CDK6: variants seen among roughly 807,000 people sequenced by gnomAD.
The protein encoded by CDK6 is cyclin-dependent kinase 6.
Under a neutral mutation model 37.1 loss-of-function variants are expected in CDK6, and 6 were observed. That is an observed-to-expected ratio of 0.16 (90% CI 0.09 to 0.32). CDK6 has a LOEUF of 0.32. Among genes scored for constraint, CDK6 ranks in the 10% least tolerant of loss-of-function variants. The probability of loss-of-function intolerance (pLI) is 1.00; values close to 1 mark genes in which losing one functional copy is unlikely to be tolerated. For synonymous variants in CDK6, 160 were observed against 161.3 expected (o/e 0.99, Z 0.06); for missense variants, 224 against 418.9 (o/e 0.53, Z 4.06).
chr7:92,606,843 C>T lies in CDK6; in HGVS notation c.*8297G>A. ...TAAAACTTTCTAGTTCTAATTTGCA[C>T]TCTACGTGAACCAATATTTTTCTTT... On this transcript the variant is annotated 3_prime_UTR_variant, in exon 8 of 8. Coordinates refer to ENST00000424848, the MANE Select transcript of CDK6 (RefSeq NM_001145306.2). The T allele has an allele frequency of 4.3e-6, 1 of 232,974 alleles. No individual in the cohort carries two copies. Among genetic ancestry groups the T allele is most frequent in the Non-Finnish European group, 8.5e-6 (1 of 117,910 alleles). 14.4% of individuals were successfully genotyped at this position (232,974 alleles called of 1,614,324 possible).
chr7:92,640,711 C>T (rs1478779698), intron 5 of CDK6, among the ~76,000 whole-genome samples: 1 of 152,206 alleles, frequency 6.6e-6, no homozygotes, highest in East Asian at 1.9e-4. Flanking sequence ...TCATTTAATA[C>T]ACCCCTGGAG....
chr7:92,830,559 T>C (rs1801449501), intron 2 of CDK6, among the ~76,000 whole-genome samples: 1 of 152,178 alleles, frequency 6.6e-6, no homozygotes, highest in Non-Finnish European at 1.5e-5. Flanking sequence ...CAACTCTCCC[T>C]TGGAAAGAAA....
chr7:92,776,698 A>G (rs1339657166), intron 2 of CDK6, among the ~76,000 whole-genome samples: 1 of 152,170 alleles, frequency 6.6e-6, no homozygotes, highest in Non-Finnish European at 1.5e-5. Context: ...TGTTGGCCTC[A>G]TAAATGTCTT....
At chr7:92,812,729 A>T (rs1800918724) in intron 2 of CDK6, among the ~76,000 whole-genome samples, 1 of 152,142 alleles carries the variant, frequency 6.6e-6, no homozygotes, top group Non-Finnish European at 1.5e-5. Context: ...CCTGGCCCAC[A>T]CTCAAACTTT....
chr7:92,616,610 AT>A (rs1795684175), intron 7 of CDK6, among the ~76,000 whole-genome samples: 1 of 152,226 alleles, frequency 6.6e-6, no homozygotes, highest in African/African-American at 2.4e-5. Flanking sequence ...CAGGGGCAAA[AT>A]TCCTGAGCCT....
chr7:92,716,480 C>T (rs770012706), intron 4 of CDK6, among the ~76,000 whole-genome samples: 3 of 152,118 alleles, frequency 2.0e-5, no homozygotes, highest in Admixed American at 6.5e-5. Flanking sequence ...AAGGAAGGCA[C>T]TGTAGGAAAT....
intron 2 of CDK6, among the ~76,000 whole-genome samples, chr7:92,804,595 A>G (rs1029109919): frequency 3.3e-5 from 5 of 152,336 alleles, no homozygotes; most frequent in South Asian, 2.1e-4. Flanking sequence ...TGTTAATGCT[A>G]GATGGTTGGA....
chr7:92,774,325 A>G (rs549280392), intron 3 of CDK6, among the ~76,000 whole-genome samples: 1 of 152,370 alleles, frequency 6.6e-6, no homozygotes, highest in East Asian at 1.9e-4. Context: ...TGTTCAAATT[A>G]TGTCTCTCAT....
intron 3 of CDK6, among the ~76,000 whole-genome samples, chr7:92,728,160 T>C (rs946611621): frequency 3.3e-5 from 5 of 152,172 alleles, no homozygotes; most frequent in Non-Finnish European, 5.9e-5. Flanking sequence ...AATTATAAAA[T>C]TGCTAAGATG....
chr7:92,655,935 G>A (rs188948589), intron 5 of CDK6, among the ~76,000 whole-genome samples: 42 of 152,326 alleles, frequency 2.8e-4, no homozygotes, highest in African/African-American at 9.6e-4. Flanking sequence ...TCCTATCTAT[G>A]AGTACATTCT....
intron 6 of CDK6, 121 bp downstream of exon 6, chr7:92,622,915 T>TGCA (rs1438801355): frequency 6.1e-6 from 4 of 660,542 alleles, no homozygotes; most frequent in Non-Finnish European, 1.1e-5. Context: ...TAACACTGTC[T>TGCA]GCAGCAGCTG....
chr7:92,656,047 G>A (rs1027103349), intron 5 of CDK6, among the ~76,000 whole-genome samples: 5 of 152,044 alleles, frequency 3.3e-5, no homozygotes, highest in East Asian at 1.9e-4. Flanking sequence ...AAGACCATGC[G>A]GAATGCTCTA....
At chr7:92,713,460 T>G (rs1212752082) in intron 4 of CDK6, among the ~76,000 whole-genome samples, 1 of 152,090 alleles carries the variant, frequency 6.6e-6, no homozygotes, top group African/African-American at 2.4e-5. Flanking sequence ...AACCCAAGAT[T>G]TGGTTTCTAT....
intron 5 of CDK6, among the ~76,000 whole-genome samples, chr7:92,641,058 T>C (rs778950632): frequency 6.6e-6 from 1 of 152,216 alleles, no homozygotes; most frequent in Non-Finnish European, 1.5e-5. Flanking sequence ...TAAAATGTTA[T>C]AATGCATAGG....
At chr7:92,750,314 T>A (rs1799159142) in intron 3 of CDK6, among the ~76,000 whole-genome samples, 1 of 152,176 alleles carries the variant, frequency 6.6e-6, no homozygotes, top group Admixed American at 6.6e-5. Flanking sequence ...GAGGCTGGGC[T>A]ACATATATTC....
intron 4 of CDK6, among the ~76,000 whole-genome samples, chr7:92,707,031 T>C (rs983292630): frequency 3.3e-5 from 5 of 152,222 alleles, no homozygotes; most frequent in Non-Finnish European, 5.9e-5. Context: ...ATGGTCTCCC[T>C]AAGATGTTAG....
chr7:92,696,352 T>G (rs1322916740), intron 4 of CDK6, among the ~76,000 whole-genome samples: 2 of 152,234 alleles, frequency 1.3e-5, no homozygotes, highest in East Asian at 3.8e-4. Context: ...AAGGGAGTTT[T>G]CCCGTTATGA....
intron 4 of CDK6, among the ~76,000 whole-genome samples, chr7:92,680,419 G>A (rs538105870): frequency 9.7e-6 from 1 of 103,166 alleles, no homozygotes; most frequent in East Asian, 3.3e-4. Flanking sequence ...GCCAACAAGA[G>A]TGAAATTCCA....
intron 3 of CDK6, among the ~76,000 whole-genome samples, chr7:92,772,177 G>A (rs1799732932): frequency 6.6e-6 from 1 of 152,022 alleles, no homozygotes; most frequent in African/African-American, 2.4e-5. Flanking sequence ...TAATAAGGAA[G>A]GAAAGTAGGT....
Sources: allele counts gnomAD v4.1 joint callset (sites outside exome capture counted in the v4.1 genomes callset), GRCh38; gene constraint gnomAD v4.1.1; transcripts MANE v1.5; gene names NCBI Gene and HGNC (gene_info 2026-07-23, HGNC 2026-07-21).